The following PPARGC1B variants were observed in gnomAD, a reference collection of about 807,000 sequenced individuals.
The protein encoded by PPARGC1B is peroxisome proliferator-activated receptor gamma coactivator 1-beta.
A neutral mutation model predicts 101.6 loss-of-function variants in PPARGC1B; 34 were observed. That is an observed-to-expected ratio of 0.33 (90% confidence interval 0.25 to 0.45). The LOEUF (loss-of-function observed/expected upper bound fraction) is 0.45. Among genes scored for constraint, PPARGC1B ranks in the 20% least tolerant of loss-of-function variants. PPARGC1B has a pLI of 1.00. For missense variants in PPARGC1B, 1,234 were observed against 1,317.6 expected (o/e 0.94, Z 0.98); for synonymous variants, 548 against 539.3 (o/e 1.02, Z -0.22).
chr5:149,845,929 C>A lies in PPARGC1B; in HGVS notation c.2971+15C>A. The A allele has an allele frequency of 1.2e-6, 2 of 1,614,216 alleles. No individual in the cohort carries two copies. The highest frequency in any genetic ancestry group is 1.7e-6 in the Non-Finnish European group (2 of 1,180,030). ...CACTGACTACGGTAAGCCCCTGAAA[C>A]CCAGCCACAGTCTAGTAAGACTCAA... On this transcript the variant is annotated intron_variant, in intron 11 of 11. Coordinates refer to ENST00000309241, the MANE Select transcript of PPARGC1B (RefSeq NM_133263.4).
chr5:149,821,525 C>G (rs1758294358), intron 2 of PPARGC1B, among the ~76,000 whole-genome samples: 1 of 152,154 alleles, frequency 6.6e-6, no homozygotes, highest in Non-Finnish European at 1.5e-5. Flanking sequence ...TGATTCTTTT[C>G]TTGGAATTTT....
intron 1 of PPARGC1B, among the ~76,000 whole-genome samples, chr5:149,757,166 C>T (rs1364568805): frequency 6.6e-6 from 1 of 152,184 alleles, no homozygotes; most frequent in Admixed American, 6.5e-5. Context: ...CAATGGTATT[C>T]ATGCTGAAGC....
At chr5:149,843,203 G>A (rs951417446) in intron 10 of PPARGC1B, among the ~76,000 whole-genome samples, 3 of 152,116 alleles carry the variant, frequency 2.0e-5, no homozygotes, top group African/African-American at 7.2e-5. Context: ...GGCAGCCCTG[G>A]TTTTTCGTCA....
chr5:149,755,052 CATATATAT>C (rs1199839991), intron 1 of PPARGC1B, among the ~76,000 whole-genome samples: 8 of 108,936 alleles, frequency 7.3e-5, no homozygotes, highest in African/African-American at 3.0e-4. Flanking sequence ...TATACATATA[CATATATAT>C]ATATATATAT....
intron 3 of PPARGC1B, among the ~76,000 whole-genome samples, chr5:149,827,834 C>T (rs1758590656): frequency 6.6e-6 from 1 of 152,248 alleles, no homozygotes; most frequent in South Asian, 2.1e-4. Context: ...AGCAGTCGCT[C>T]TCAATCCGGG....
In PPARGC1B at chr5:149,749,227, C is replaced by T. The variant is rs192306746; in HGVS notation, c.78+18807C>T. ...TCATAATGATTATTACTCCTATTTA[C>T]CGTTATACCTGTTAGTGTGTCACTG... On this transcript the variant is annotated intron_variant, in intron 1 of 11. Transcript: ENST00000309241. 4.9e-4 allele frequency among the ~76,000 whole-genome samples: 75 copies of T among 152,308 alleles called. No individual in the cohort carries two copies. The East Asian group carries it at 0.014, about 29-fold the overall frequency.
intron 1 of PPARGC1B, among the ~76,000 whole-genome samples, chr5:149,801,188 G>C (rs1470007340): frequency 6.6e-6 from 1 of 152,168 alleles, no homozygotes; most frequent in African/African-American, 2.4e-5. Context: ...TGTGCCAGGT[G>C]CCAGGGATAC....
At chr5:149,856,390 C>CT (rs1759951500), downstream of PPARGC1B, among the ~76,000 whole-genome samples, 2 of 152,180 alleles carry the variant, frequency 1.3e-5, no homozygotes, top group South Asian at 4.1e-4. Context: ...TGATTGAGGG[C>CT]TCAGTACCTG....
In PPARGC1B at chr5:149,832,224, G is replaced by A. The variant is rs576010586; in HGVS notation, c.583-432G>A. Among the ~76,000 whole-genome samples, 12 of 152,270 alleles carry A rather than the reference G, an allele frequency of 7.9e-5. No homozygotes were observed. The highest frequency in any genetic ancestry group is 2.0e-4 in the Admixed American group (3 of 15,302). On this transcript the variant is annotated intron_variant, in intron 4 of 11. Transcript: ENST00000309241. The surrounding 1 kb of genome is among the most constrained non-coding windows in gnomAD (Gnocchi z 4.9). Reference sequence around the variant, plus strand: ...CTCGGGAGGCTGAGGCAGGAGAATCGCTTGAACCTGGGAAGCAGAGGTTGC... The same window carrying A: ...CTCGGGAGGCTGAGGCAGGAGAATCACTTGAACCTGGGAAGCAGAGGTTGC...
At position 149,853,191 on chromosome 5, in the gene PPARGC1B, T is replaced by C. The variant is rs1561654323; in HGVS notation, c.*5633T>C. 6.6e-6 allele frequency: 1 copy of C among 152,296 alleles called. No homozygotes were observed. Among genetic ancestry groups the C allele is most frequent in the East Asian group, 1.9e-4 (1 of 5,194 alleles). 9.4% of individuals were successfully genotyped at this position (152,296 alleles called of 1,614,324 possible). ...ACCTCAGCACTTTGCCTTATCAACA[T>C]GCGGTCGCCATCTAGTGGCCAAAGG... On this transcript the variant is annotated 3_prime_UTR_variant, in exon 12 of 12. Transcript: ENST00000309241. The surrounding 1 kb of genome is among the most constrained non-coding windows in gnomAD (Gnocchi z 4.2).
At chr5:149,778,894 T>C (rs891939147) in intron 1 of PPARGC1B, among the ~76,000 whole-genome samples, 7 of 152,186 alleles carry the variant, frequency 4.6e-5, no homozygotes. Flanking sequence ...AAAAAGAGAT[T>C]ATCCAGAAAG....
At chr5:149,801,897 C>A (rs1185567303) in intron 1 of PPARGC1B, among the ~76,000 whole-genome samples, 2 of 152,156 alleles carry the variant, frequency 1.3e-5, no homozygotes, top group Non-Finnish European at 2.9e-5. Flanking sequence ...CACTGATGGC[C>A]ATTGTCTTTT....
chr5:149,832,245 GT>G lies in PPARGC1B; in HGVS notation c.583-409del, dbSNP rs1477144952. Among the ~76,000 whole-genome samples the G allele has an allele frequency of 2.0e-5, 3 of 152,324 alleles. No individual in the cohort carries two copies. The East Asian group carries it at 5.8e-4, about 29-fold the overall frequency. ...AATCGCTTGAACCTGGGAAGCAGAG[GT>G]TGCAGTGGGCCGAGATCGATGAATC... On this transcript the variant is annotated intron_variant, in intron 4 of 11. Coordinates refer to ENST00000309241, the MANE Select transcript of PPARGC1B (RefSeq NM_133263.4). This position sits in a 1 kb window ranked among gnomAD's most constrained non-coding sequence, Gnocchi z 4.9.
chr5:149,739,661 T>C (rs1754843111), intron 1 of PPARGC1B, among the ~76,000 whole-genome samples: 2 of 152,196 alleles, frequency 1.3e-5, no homozygotes, highest in Non-Finnish European at 2.9e-5. Context: ...TGGGTAGTCC[T>C]CTGAGAGACA....
At chr5:149,752,621 G>C (rs1213479650) in intron 1 of PPARGC1B, among the ~76,000 whole-genome samples, 1 of 152,242 alleles carries the variant, frequency 6.6e-6, no homozygotes. Context: ...CTGAAGTCAG[G>C]AGTTCAAGAC....
intron 1 of PPARGC1B, among the ~76,000 whole-genome samples, chr5:149,799,690 G>GTTTTTTTTTTTTTTTTTTTTT (rs369350284): frequency 9.2e-5 from 6 of 65,066 alleles, no homozygotes; most frequent in Admixed American, 2.4e-4. Context: ...TTTGCTTGTT[G>GTTTTTTTTTTTTTTTTTTTTT]TTGTTTTTTT....
Position 149,842,651 on chromosome 5 carries a change from G to A in PPARGC1B, c.2816+274G>A, listed in dbSNP as rs75422190. 9.2e-3 allele frequency among the ~76,000 whole-genome samples: 1,395 copies of A among 152,320 alleles called. 11 individuals carry two copies. Among genetic ancestry groups the A allele is most frequent in the Non-Finnish European group, 0.015 (989 of 68,026 alleles). ...GCACGCCAGGGACATAAGCACTCCT[G>A]GTCTTTCAATTGCTCTCCTTTCTGC... On this transcript the variant is annotated intron_variant, in intron 10 of 11. Transcript: ENST00000309241.
chr5:149,824,649 C>G (rs191917999), intron 2 of PPARGC1B, among the ~76,000 whole-genome samples: 6 of 152,310 alleles, frequency 3.9e-5, no homozygotes, highest in Admixed American at 3.3e-4. Flanking sequence ...AACTCTCCAT[C>G]AAGCTGGACA....
At chr5:149,820,012 A>C (rs1758220566) in intron 1 of PPARGC1B, among the ~76,000 whole-genome samples, 1 of 69,874 alleles carries the variant, frequency 1.4e-5, no homozygotes, top group Non-Finnish European at 2.8e-5. Flanking sequence ...CAATACTGTC[A>C]GTCATTATTA....
Sources: gnomAD v4.1 joint callset for allele counts (sites outside exome capture counted in the v4.1 genomes callset) on GRCh38, gnomAD v4.1.1 for gene constraint, Gnocchi (gnomAD v3.1) non-coding constraint, MANE v1.5 for transcripts, NCBI Gene and HGNC (gene_info 2026-07-23, HGNC 2026-07-21) for gene names.